The following PRSS36 variants were observed in gnomAD, a reference collection of about 807,000 sequenced individuals.
PRSS36 encodes polyserase-2.
Under a neutral mutation model 94.3 loss-of-function variants are expected in PRSS36, and 90 were observed. The observed-to-expected ratio is 0.95, with a 90% CI of 0.80 to 1.14. The LOEUF is 1.14. Among genes scored for constraint, PRSS36 ranks in the 50% most tolerant of loss-of-function variants. PRSS36 has a pLI of 0.00. For synonymous variants in PRSS36, 500 were observed against 489.6 expected (o/e 1.02, Z -0.28); for missense variants, 1,158 against 1,135.0 (o/e 1.02, Z -0.29).
At chr16:31,149,397 C>T in intron 3 of PRSS36, 66 bp downstream of exon 3, 2 of 1,591,048 alleles carry the variant, frequency 1.3e-6, no homozygotes, top group South Asian at 1.1e-5. Context: ...TCTTTTCCAC[C>T]TCCCTCATGG....
rs1339253962 is a variant in PRSS36 at position 31,148,602 on chromosome 16, C to A, written c.346G>T (p.Gly116Cys). ...GVHSQDGPLDGAHTRAVAAIV... is the reference protein window; with the variant it reads ...GVHSQDGPLDCAHTRAVAAIV... ...GCGGCCACTGCGCGGGTGTGCGCGC[C>A]GTCCAGGGGCCCGTCCTGGGAGTGC... Residue 116 changes from glycine (G) to cysteine (C), a missense_variant, in exon 5 of 15, where the codon GGC becomes TGC. Physicochemically the swap from Gly to Cys is radical, Grantham distance 159. Coordinates refer to ENST00000268281, the MANE Select transcript of PRSS36 (RefSeq NM_173502.5). 6.2e-7 allele frequency: 1 copy of A among 1,611,446 alleles called. No homozygotes were observed. The highest frequency in any genetic ancestry group is 8.5e-7 in the Non-Finnish European group (1 of 1,179,170).
At chr16:31,141,207 C>T (rs1407770806) in intron 12 of PRSS36, among the ~76,000 whole-genome samples, 1 of 152,128 alleles carries the variant, frequency 6.6e-6, no homozygotes, top group Non-Finnish European at 1.5e-5. Flanking sequence ...CAGGTGTGAA[C>T]CATTGCGCCC....
Position 31,141,533 on chromosome 16 carries a change from G to C in PRSS36, c.1837C>G (p.Arg613Gly). Residue 613 changes from arginine to glycine, a missense_variant, in exon 12 of 15, where the codon CGA (arginine) becomes GGA (glycine). Arg to Gly is a moderately radical substitution (Grantham distance 125, BLOSUM62 -2). Transcript: ENST00000268281. ...GCCAGGAGGATCCCAGTGCAGACTC[G>C]ATCACCAGCCACATGCACCTCTGCC... ...WLAEVHVAGD[R>G]VCTGILLAPG... 2 of 1,613,086 alleles carry C rather than the reference G, an allele frequency of 1.2e-6. No homozygotes were observed. The highest frequency in any genetic ancestry group is 8.5e-7 in the Non-Finnish European group (1 of 1,179,984).
At position 31,143,435 on chromosome 16, in the gene PRSS36, C is replaced by A; in HGVS notation, c.1007G>T (p.Trp336Leu). ...GKAPRPGAWPWEAQVMVPGSR... is the reference protein window; with the variant it reads ...GKAPRPGAWPLEAQVMVPGSR... ...TCCTGGCACCATCACCTGGGCCTCCCAGGGCCAGGCCCCTGGCCGCGGGGC... is the reference window on the plus strand; with the variant it reads ...TCCTGGCACCATCACCTGGGCCTCCAAGGGCCAGGCCCCTGGCCGCGGGGC... Residue 336 changes from tryptophan to leucine, a missense_variant, in exon 8 of 15, where the codon TGG becomes TTG. Transcript: ENST00000268281. 6.2e-7 allele frequency: 1 copy of A among 1,612,356 alleles called. No homozygotes were observed. Among genetic ancestry groups the A allele is most frequent in the African/African-American group, 1.3e-5 (1 of 74,994 alleles).
Position 31,143,840 on chromosome 16 carries a change from A to G in PRSS36, c.721-3T>C, listed in dbSNP as rs1197768967. 1 of 1,613,100 alleles carries G rather than the reference A, an allele frequency of 6.2e-7. No homozygotes were observed. The highest frequency in any genetic ancestry group is 8.5e-7 in the Non-Finnish European group (1 of 1,179,978). On this transcript the variant is annotated splice_polypyrimidine_tract_variant and splice_region_variant and intron_variant, in intron 6 of 14. Transcript: ENST00000268281. ...ACCAGGGGCCCCCCAGAGTCACCCT[A>G]GTGGCAGATGACTGCATGTCAAGGG... is the stretch of plus-strand genomic sequence containing the variant.
Position 31,142,824 on chromosome 16 carries a change from C to G in PRSS36, c.1270G>C (p.Ala424Pro). 6.5e-7 allele frequency: 1 copy of G among 1,538,828 alleles called. No homozygotes were observed. The highest frequency in any genetic ancestry group is 8.7e-7 in the Non-Finnish European group (1 of 1,145,532). ...LQLRTPVNLS[A>P]ASRPVCLPHP... ...GGTAGGCACACGGGCCGCGAAGCCGCGCTCAGGTTCACGGGCGTGCGCAGC... is the reference window on the plus strand; with the variant it reads ...GGTAGGCACACGGGCCGCGAAGCCGGGCTCAGGTTCACGGGCGTGCGCAGC... Residue 424 changes from alanine to proline, a missense_variant, in exon 9 of 15, where the codon GCG becomes CCG. Transcript: ENST00000268281.
In PRSS36 at chr16:31,141,582, T is replaced by G. The variant is rs753363315; in HGVS notation, c.1788A>C (p.Pro596=). 3 of 1,613,020 alleles carry G rather than the reference T, an allele frequency of 1.9e-6. No homozygotes were observed. Among genetic ancestry groups the G allele is most frequent in the South Asian group, 1.1e-5 (1 of 91,052 alleles). The stretch of plus-strand genomic sequence containing the variant: ...CCAGCCAGGGCCACAGGACCCCCAC[T>G]GGAGCAGCCTCCAGCCGCAGGCCAC... ...GACGLRLEAA[P]VGVLWPWLAE... The change falls in exon 12 of 15, where the codon CCA becomes CCC. Residue 596 remains proline, a synonymous_variant. Coordinates refer to ENST00000268281, the MANE Select transcript of PRSS36 (RefSeq NM_173502.5).
Position 31,142,965 on chromosome 16 carries a change from C to T in PRSS36, c.1129G>A (p.Asp377Asn). 7.0e-7 allele frequency: 1 copy of T among 1,426,158 alleles called. No individual in the cohort carries two copies. The highest frequency in any genetic ancestry group is 9.1e-7 in the Non-Finnish European group (1 of 1,095,116). 88.3% of individuals were successfully genotyped at this position (1,426,158 alleles called of 1,614,324 possible). A position where few individuals can be genotyped will look rare whatever the true frequency, so the allele number is the denominator to read the frequency against. ...AGCAGCACGCGCCAGGCGTCGAGGT[C>T]GCGGGGTGGGCTGTCGGAGCTGTTC... ...DPNSSDSPPR[D>N]LDAWRVLLPS... The change falls in exon 9 of 15, where the codon GAC (aspartate) becomes AAC (asparagine). Residue 377 changes from aspartate to asparagine, a missense_variant. Coordinates refer to ENST00000268281, the MANE Select transcript of PRSS36 (RefSeq NM_173502.5).
chr16:31,141,973 AGT>A lies in PRSS36; in HGVS notation c.1522-15_1522-14del, dbSNP rs759924616. The A allele has an allele frequency of 3.1e-6, 5 of 1,611,656 alleles. No individual in the cohort carries two copies. The highest frequency in any genetic ancestry group is 4.2e-6 in the Non-Finnish European group (5 of 1,177,870). On this transcript the variant is annotated splice_polypyrimidine_tract_variant and intron_variant, in intron 10 of 14. Transcript: ENST00000268281. ...AACGCGAGTCATTCTGCAGCAACAA[AGT>A]GTGTGTGTTACTTGCCTCTGCGTGT...
At chr16:31,139,551 C>T in intron 14 of PRSS36, 135 bp from the exon 15 acceptor site, 1 of 1,064,590 alleles carries the variant, frequency 9.4e-7, no homozygotes, top group East Asian at 2.5e-5. Flanking sequence ...TCTCCCGGGT[C>T]CAGCTAGGGT....
chr16:31,149,599 C>G, intron 2 of PRSS36, 97 bp downstream of exon 2: 1 of 1,607,134 alleles, frequency 6.2e-7, no homozygotes, highest in South Asian at 1.1e-5. Flanking sequence ...TATCTTCCCA[C>G]TTCCCTGTCC....
At position 31,138,950 on chromosome 16, in the gene PRSS36, C is replaced by T; in HGVS notation, c.*188G>A. 1 of 604,366 alleles carries T rather than the reference C, an allele frequency of 1.7e-6. No homozygotes were observed. The highest frequency in any genetic ancestry group is 3.0e-5 in the East Asian group (1 of 33,330). 37.4% of individuals were successfully genotyped at this position (604,366 alleles called of 1,614,324 possible). On this transcript the variant is annotated 3_prime_UTR_variant, in exon 15 of 15. Transcript: ENST00000268281. The stretch of plus-strand genomic sequence containing the variant: ...CCTGTGTTTACACCTTTATTGTCCG[C>T]TCCTCCCACCACCCCCAAGGATTCC...
Position 31,140,281 on chromosome 16 carries a change from C to A in PRSS36, c.2289+13G>T. ...TCTCCCCTGCCTACTCCAGGACGCCCAGGCCCCTGTACCTCACACCTGTTC... is the reference window on the plus strand; with the variant it reads ...TCTCCCCTGCCTACTCCAGGACGCCAAGGCCCCTGTACCTCACACCTGTTC... On this transcript the variant is annotated intron_variant, in intron 14 of 14. Coordinates refer to ENST00000268281, the MANE Select transcript of PRSS36 (RefSeq NM_173502.5). The A allele has an allele frequency of 6.3e-7, 1 of 1,599,850 alleles. No individual in the cohort carries two copies. The highest frequency in any genetic ancestry group is 1.1e-5 in the South Asian group (1 of 89,796).
In PRSS36 at chr16:31,142,527, G is replaced by T. The variant is rs1216216572; in HGVS notation, c.1475C>A (p.Ala492Glu). The change falls in exon 10 of 15, where the codon GCG (alanine) becomes GAG (glutamate). Residue 492 changes from alanine to glutamate, a missense_variant. Ala to Glu is a moderately radical substitution (Grantham distance 107, BLOSUM62 -1). Transcript: ENST00000268281. ...AVPLPGDPPH[A>E]LCPAYQEKEE... Reference sequence around the variant, plus strand: ...CTTTTCCTGGTAGGCAGGGCAGAGCGCGTGCGGCGGGTCTCCGGGCAGCGG... The same window carrying T: ...CTTTTCCTGGTAGGCAGGGCAGAGCTCGTGCGGCGGGTCTCCGGGCAGCGG... 1 of 1,516,278 alleles carries T rather than the reference G, an allele frequency of 6.6e-7. No individual in the cohort carries two copies. The highest frequency in any genetic ancestry group is 2.5e-5 in the East Asian group (1 of 39,416). 93.9% of individuals were successfully genotyped at this position (1,516,278 alleles called of 1,614,324 possible). A position where few individuals can be genotyped will look rare whatever the true frequency, so the allele number is the denominator to read the frequency against.
At chr16:31,140,199 A>AAAG in intron 14 of PRSS36, 95 bp downstream of exon 14, 2 of 1,216,310 alleles carry the variant, frequency 1.6e-6, no homozygotes, top group Non-Finnish European at 2.2e-6. Flanking sequence ...CAAAAAAAAA[A>AAAG]AAAAAAAAAA....
rs1311538008 is a variant in PRSS36, at chr16:31,141,597, C to T, written c.1773G>A (p.Arg591=). ...PHTEHGACGL[R]LEAAPVGVLW... ...GGACCCCCACTGGAGCAGCCTCCAGCCGCAGGCCACAGGCTAGGGAGAGGA... is the reference window on the plus strand; with the variant it reads ...GGACCCCCACTGGAGCAGCCTCCAGTCGCAGGCCACAGGCTAGGGAGAGGA... Residue 591 remains arginine, a synonymous_variant, in exon 12 of 15, where the codon CGG becomes CGA. Coordinates refer to ENST00000268281, the MANE Select transcript of PRSS36 (RefSeq NM_173502.5). The T allele has an allele frequency of 2.5e-6, 4 of 1,613,382 alleles. No homozygotes were observed. In the East Asian group the frequency reaches 8.9e-5, roughly 36 times the overall value.
At position 31,149,082 on chromosome 16, in the gene PRSS36, CAGTG is replaced by C; in HGVS notation, c.259_262del (p.His87ValfsTer3). 2 of 1,593,292 alleles carry C rather than the reference CAGTG, an allele frequency of 1.3e-6. No individual in the cohort carries two copies. Among genetic ancestry groups the C allele is most frequent in the South Asian group, 1.1e-5 (1 of 87,634 alleles). ...CAGGGCGAATACTCACGTCATGAAACAGTGAGCAGCGGAGAGGACCCAGGAGGGG... is the reference window on the plus strand; with the variant it reads ...CAGGGCGAATACTCACGTCATGAAACAGCAGCGGAGAGGACCCAGGAGGGG... On this transcript the variant is annotated frameshift_variant, in exon 4 of 15. Transcript: ENST00000268281. LOFTEE classifies it high-confidence loss of function.
Position 31,139,187 on chromosome 16 carries a change from G to C in PRSS36, c.2519C>G (p.Pro840Arg). ...PPELAKASGS[P>R]HAVYFLLLLT... ...CAGGAGCAGGAAGTAGACTGCATGC[G>C]GGGATCCCGAGGCCTTGGCCAGTTC... is the stretch of plus-strand genomic sequence containing the variant. Residue 840 changes from proline to arginine, a missense_variant, in exon 15 of 15, where the codon CCG (proline) becomes CGG (arginine). By Grantham distance (103) the Pro-to-Arg change is moderately radical. Coordinates refer to ENST00000268281, the MANE Select transcript of PRSS36 (RefSeq NM_173502.5). 6.2e-7 allele frequency: 1 copy of C among 1,604,984 alleles called. No individual in the cohort carries two copies. The highest frequency in any genetic ancestry group is 8.5e-7 in the Non-Finnish European group (1 of 1,174,160).
rs2057874523 is a variant in PRSS36, at chr16:31,150,007, A to C, written c.29T>G (p.Val10Gly). The C allele has an allele frequency of 6.2e-7, 1 of 1,613,932 alleles. No individual in the cohort carries two copies. Residue 10 changes from valine (V) to glycine (G), a missense_variant, in exon 1 of 15, where the codon GTG becomes GGG. Transcript: ENST00000268281. MARHLLLPL[V>G]MLVISPIPGA... ...TTGTCCCCTGAGGTTACCAAGCATC[A>C]CAAGGGGGAGGAGCAGGTGCCGGGC... is the stretch of plus-strand genomic sequence containing the variant.
Sources: allele counts gnomAD v4.1 joint callset (sites outside exome capture counted in the v4.1 genomes callset), GRCh38; gene constraint gnomAD v4.1.1; transcripts MANE v1.5; gene names NCBI Gene and HGNC (gene_info 2026-07-23, HGNC 2026-07-21).